Variants in C13orf46 observed in about 807,000 individuals in gnomAD.
The protein encoded by C13orf46 is chromosome 13 open reading frame 46, also known as uncharacterized protein C13orf46.
chr13:113,944,427 G>A, the C13orf46 span, among the ~76,000 whole-genome samples: 723 of 152,364 alleles, frequency 4.7e-3, 5 homozygotes, highest in African/African-American at 0.016. Context: ...TACCTGCTCC[G>A]ATGGGGAGAA....
downstream of C13orf46, among the ~76,000 whole-genome samples, chr13:113,950,339 G>T (rs1195369321): frequency 7.2e-5 from 8 of 110,626 alleles, no homozygotes; most frequent in South Asian, 1.2e-3. Context: ...CATCTGTAGA[G>T]TGGGGTCATC....
chr13:113,932,384 C>T, the C13orf46 span, among the ~76,000 whole-genome samples: 1 of 152,228 alleles, frequency 6.6e-6, no homozygotes, highest in Non-Finnish European at 1.5e-5. Context: ...CTCGCCAGCC[C>T]TTGGCAGGGC....
chr13:113,935,847 G>C, the C13orf46 span, among the ~76,000 whole-genome samples: 1 of 152,238 alleles, frequency 6.6e-6, no homozygotes, highest in Non-Finnish European at 1.5e-5. Flanking sequence ...GTGCCCCCAG[G>C]GGCCATGCTT....
chr13:113,953,060 C>A (rs893728631), downstream of C13orf46, among the ~76,000 whole-genome samples: 1 of 152,260 alleles, frequency 6.6e-6, no homozygotes, highest in Non-Finnish European at 1.5e-5. Flanking sequence ...CGCTGACCAT[C>A]CTGGACGCTG....
At chr13:113,953,318 G>A (rs1384562093), downstream of C13orf46, among the ~76,000 whole-genome samples, 4 of 152,204 alleles carry the variant, frequency 2.6e-5, no homozygotes, top group African/African-American at 7.2e-5. Context: ...AGGCCTGGCC[G>A]CCCTGGAGTG....
At chr13:113,957,169 C>T (rs920024740) in intron 6 of C13orf46, among the ~76,000 whole-genome samples, 12 of 151,148 alleles carry the variant, frequency 7.9e-5, no homozygotes, top group Admixed American at 6.6e-5. Context: ...TGCATGCAAC[C>T]CCTTTCATCA....
At chr13:113,947,516 T>C in the C13orf46 span, among the ~76,000 whole-genome samples, 1 of 152,094 alleles carries the variant, frequency 6.6e-6, no homozygotes, top group South Asian at 2.1e-4. Context: ...GATGGGGCCA[T>C]TAGGCCTTTT....
At chr13:113,967,779 C>T (rs1229319887) in intron 4 of C13orf46, among the ~76,000 whole-genome samples, 6 of 152,252 alleles carry the variant, frequency 3.9e-5, no homozygotes, top group African/African-American at 1.4e-4. Flanking sequence ...CAGCCCTGCT[C>T]GACAAGGCAG....
the C13orf46 span, among the ~76,000 whole-genome samples, chr13:113,929,943 C>T: frequency 2.6e-5 from 4 of 152,224 alleles, no homozygotes; most frequent in African/African-American, 9.6e-5. Context: ...TGGGGATCTG[C>T]GTTCTTGCCA....
chr13:113,959,720 C>G (rs2052572543), intron 6 of C13orf46, among the ~76,000 whole-genome samples: 1 of 152,192 alleles, frequency 6.6e-6, no homozygotes, highest in African/African-American at 2.4e-5. Context: ...ATTTGGAGCT[C>G]AAATGGCAAT....
chr13:113,930,792 C>T, the C13orf46 span, among the ~76,000 whole-genome samples: 1 of 152,232 alleles, frequency 6.6e-6, no homozygotes, highest in South Asian at 2.1e-4. Flanking sequence ...TGCGGTGATG[C>T]CCGTGGACTT....
chr13:113,936,532 C>A, the C13orf46 span, among the ~76,000 whole-genome samples: 11 of 152,182 alleles, frequency 7.2e-5, no homozygotes, highest in Non-Finnish European at 1.5e-4. Context: ...AGGGGGAAAC[C>A]GTTTCCTGGC....
Position 113,956,404 on chromosome 13 carries a change from G to C in C13orf46, c.*369C>G, listed in dbSNP as rs2052534936. On this transcript the variant is annotated 3_prime_UTR_variant, in exon 7 of 7. Coordinates refer to ENST00000636427, the MANE Select transcript of C13orf46 (RefSeq NM_001365455.2). ...AGGAGGAGCATCTGGTGGAGAGGAG[G>C]AGCATCTGGTGGAGAGGAGGAGCAT... The C allele has an allele frequency of 6.6e-6, 1 of 151,304 alleles. No homozygotes were observed. Among genetic ancestry groups the C allele is most frequent in the Non-Finnish European group, 1.4e-5 (1 of 70,572 alleles). The allele number at this position is 151,304 out of a possible 1,614,324, so 9.4% of individuals were successfully genotyped here.
At chr13:113,929,598 C>CTGTG in the C13orf46 span, among the ~76,000 whole-genome samples, 1 of 152,256 alleles carries the variant, frequency 6.6e-6, no homozygotes, top group Admixed American at 6.5e-5. Flanking sequence ...AAAGCCCAGG[C>CTGTG]TGTGCAGTGC....
intron 6 of C13orf46, among the ~76,000 whole-genome samples, chr13:113,963,384 G>GC (rs2052605564): frequency 2.0e-5 from 2 of 98,206 alleles, no homozygotes; most frequent in Admixed American, 1.1e-4. Context: ...CCCGTCCTCA[G>GC]CCTCGCCCCT....
intron 5 of C13orf46, 125 bp from the exon 6 acceptor site, chr13:113,965,119 C>G (rs1369894750): frequency 6.6e-6 from 1 of 152,194 alleles, no homozygotes; most frequent in African/African-American, 2.4e-5. Flanking sequence ...TCAGACAGGG[C>G]TCTCTATTGA....
rs1455433557 is a variant in C13orf46 at position 113,968,469 on chromosome 13, C to T, written c.454G>A (p.Glu152Lys). Residue 152 changes from glutamate (E) to lysine (K), a missense_variant and splice_region_variant, in exon 4 of 7, where the codon GAG becomes AAG. Physicochemically the swap from Glu to Lys is moderately conservative, Grantham distance 56. Coordinates refer to ENST00000636427, the MANE Select transcript of C13orf46 (RefSeq NM_001365455.2). ...SIKLNDLQEE[E>K]KASVFVEIDL... ...TTACTAAAGGGAAAAGCTCTTACCT[C>T]TTCTTCCTGAAGGTCATTTAGCTTT... is the stretch of plus-strand genomic sequence containing the variant. 3 of 152,274 alleles carry T rather than the reference C, an allele frequency of 2.0e-5. No homozygotes were observed. Among genetic ancestry groups the T allele is most frequent in the Admixed American group, 2.0e-4 (3 of 15,286 alleles). 9.4% of individuals were successfully genotyped at this position (152,274 alleles called of 1,614,324 possible). A position where few individuals can be genotyped will look rare whatever the true frequency, so the allele number is the denominator to read the frequency against.
At position 113,969,706 on chromosome 13, in the gene C13orf46, G is replaced by A. The variant is rs1016872049; in HGVS notation, c.242+465C>T. On this transcript the variant is annotated intron_variant, in intron 2 of 6. Transcript: ENST00000636427. ...GGGAGAACCAGAGCTGGGTTAGAAC[G>A]GGACGCGAGGTGCAGGGAGGCAAGA... Among the ~76,000 whole-genome samples, 806 of 152,292 alleles carry A rather than the reference G, an allele frequency of 5.3e-3. 3 individuals are homozygous for A. Among genetic ancestry groups the A allele is most frequent in the Non-Finnish European group, 9.2e-3 (629 of 68,024 alleles).
At chr13:113,946,008 G>C in the C13orf46 span, among the ~76,000 whole-genome samples, 1 of 152,180 alleles carries the variant, frequency 6.6e-6, no homozygotes, top group Non-Finnish European at 1.5e-5. Context: ...CCGCACTGTG[G>C]GCTGGAGTGC....
Sources: gnomAD v4.1 joint callset for allele counts (sites outside exome capture counted in the v4.1 genomes callset) on GRCh38, gnomAD v4.1.1 for gene constraint, MANE v1.5 for transcripts, NCBI Gene and HGNC (gene_info 2026-07-23, HGNC 2026-07-21) for gene names.